EDARADD: variants seen among roughly 807,000 people sequenced by gnomAD.
The protein encoded by EDARADD is EDAR associated via death domain.
EDARADD carries 20 observed loss-of-function variants against 25.6 expected under a neutral mutation model. The ratio of observed to expected loss-of-function variants is 0.78; its 90% CI spans 0.55 to 1.14. The LOEUF is 1.14. Ranked by LOEUF, EDARADD falls within the 50% of genes most tolerant of loss-of-function variation. The probability of loss-of-function intolerance (pLI) is 0.00; values close to 1 mark genes in which losing one functional copy is unlikely to be tolerated. For missense variants in EDARADD, 225 were observed against 270.1 expected (o/e 0.83, Z 1.17); for synonymous variants, 86 against 94.4 (o/e 0.91, Z 0.52).
At chr1:236,407,866 A>G (rs1302914371) in intron 1 of EDARADD, among the ~76,000 whole-genome samples, 4 of 152,198 alleles carry the variant, frequency 2.6e-5, no homozygotes, top group Non-Finnish European at 5.9e-5. Context: ...AATTCCTTCA[A>G]TGCATCAAGT....
chr1:236,358,146 C>T (rs1667003534), intron 3 of EDARADD, among the ~76,000 whole-genome samples: 1 of 152,210 alleles, frequency 6.6e-6, no homozygotes, highest in Non-Finnish European at 1.5e-5. Flanking sequence ...GCTAGGATTA[C>T]AGGCACGAGC....
chr1:236,414,224 T>C, intron 2 of EDARADD, 36 bp from the exon 3 acceptor site: 1 of 1,572,308 alleles, frequency 6.4e-7, no homozygotes, highest in South Asian at 1.1e-5. Context: ...TACATGGCAT[T>C]TAAAAATAAT....
At chr1:236,423,727 T>C (rs976354799) in intron 3 of EDARADD, among the ~76,000 whole-genome samples, 1 of 152,182 alleles carries the variant, frequency 6.6e-6, no homozygotes, top group African/African-American at 2.4e-5. Flanking sequence ...TATTTTCTAG[T>C]CACTAATTGG....
At chr1:236,366,569 T>C (rs1667113660) in intron 3 of EDARADD, among the ~76,000 whole-genome samples, 1 of 148,704 alleles carries the variant, frequency 6.7e-6, no homozygotes, top group African/African-American at 2.6e-5. Flanking sequence ...TGCAGCCCTT[T>C]CCTGTCTGAT....
intron 4 of EDARADD, among the ~76,000 whole-genome samples, chr1:236,452,535 C>T (rs1386094176): frequency 6.6e-6 from 1 of 151,888 alleles, no homozygotes; most frequent in Non-Finnish European, 1.5e-5. Context: ...CCATGTAAGA[C>T]GTGCCCTGCT....
At chr1:236,377,375 C>G (rs758280309) in intron 3 of EDARADD, among the ~76,000 whole-genome samples, 30 of 150,012 alleles carry the variant, frequency 2.0e-4, no homozygotes, top group Non-Finnish European at 3.8e-4. Context: ...AGGCTGGTCT[C>G]AAACTCCTGA....
At chr1:236,408,268 T>G (rs772981069) in intron 1 of EDARADD, among the ~76,000 whole-genome samples, 3 of 152,128 alleles carry the variant, frequency 2.0e-5, no homozygotes, top group African/African-American at 4.8e-5. Flanking sequence ...AGTGGTGTGA[T>G]CTCAGCTCAC....
intron 4 of EDARADD, among the ~76,000 whole-genome samples, chr1:236,447,176 C>CTT (rs1303908454): frequency 0.012 from 882 of 75,908 alleles, 10 homozygotes; most frequent in African/African-American, 0.054. Context: ...CTCCCTCTTT[C>CTT]TTTCTTTCTT....
At chr1:236,406,408 C>T (rs1030410559) in intron 1 of EDARADD, among the ~76,000 whole-genome samples, 4 of 152,170 alleles carry the variant, frequency 2.6e-5, no homozygotes, top group Non-Finnish European at 4.4e-5. Context: ...TACATGGTTT[C>T]GTAGTTGGTG....
At chr1:236,440,035 G>A (rs563198092) in intron 4 of EDARADD, among the ~76,000 whole-genome samples, 4 of 152,162 alleles carry the variant, frequency 2.6e-5, no homozygotes, top group South Asian at 4.2e-4. Context: ...AGTTTAAAGA[G>A]TTTAAATTTT....
chr1:236,378,303 T>C (rs1667249879), intron 3 of EDARADD, among the ~76,000 whole-genome samples: 1 of 152,076 alleles, frequency 6.6e-6, no homozygotes, highest in Non-Finnish European at 1.5e-5. Context: ...TCTCCAGGAG[T>C]CACTGTGTGA....
intron 4 of EDARADD, among the ~76,000 whole-genome samples, chr1:236,445,237 T>TTTTTTTTTTTTGTTG (rs1381960263): frequency 3.6e-5 from 4 of 109,606 alleles, no homozygotes; most frequent in Admixed American, 9.5e-5. Flanking sequence ...ATAAATTCTT[T>TTTTTTTTTTTTGTTG]TTTTTTTTGA....
In EDARADD at chr1:236,484,899, A is replaced by G. The variant is rs1659789943; in HGVS notation, c.*2250A>G. On this transcript the variant is annotated 3_prime_UTR_variant, in exon 6 of 6. Transcript: ENST00000334232. The surrounding 1 kb of genome is among the most constrained non-coding windows in gnomAD (Gnocchi z 4.1). ...TCAAAATAAAAAGCCTCATTGACCC[A>G]TGAGAAAAAAGAAAACAGCAATGAG... is the stretch of plus-strand genomic sequence containing the variant. 6.3e-6 allele frequency: 1 copy of G among 158,674 alleles called. No homozygotes were observed. Among genetic ancestry groups the G allele is most frequent in the Admixed American group, 6.0e-5 (1 of 16,564 alleles). 9.8% of individuals were successfully genotyped at this position (158,674 alleles called of 1,614,324 possible).
At chr1:236,379,141 G>A (rs1378013414) in intron 3 of EDARADD, among the ~76,000 whole-genome samples, 13 of 152,224 alleles carry the variant, frequency 8.5e-5, no homozygotes, top group East Asian at 7.7e-4. Flanking sequence ...AGGCCAAGGC[G>A]GGAGGATCAC....
chr1:236,395,810 A>G lies in EDARADD; in HGVS notation c.61+1305A>G. The G allele has an allele frequency of 1.5e-6, 1 of 680,644 alleles. No homozygotes were observed. The highest frequency in any genetic ancestry group is 2.2e-6 in the Non-Finnish European group (1 of 454,642). 42.2% of individuals were successfully genotyped at this position (680,644 alleles called of 1,614,324 possible). On this transcript the variant is annotated intron_variant, in intron 1 of 5. Coordinates refer to ENST00000334232, the MANE Select transcript of EDARADD (RefSeq NM_145861.4). This position sits in a 1 kb window ranked among gnomAD's most constrained non-coding sequence, Gnocchi z 6.9. ...GAACCACCCCCGACCCAGGCGCCAGACCCGGAGTCGCACGGGGCTCCCAGT... is the reference window on the plus strand; with the variant it reads ...GAACCACCCCCGACCCAGGCGCCAGGCCCGGAGTCGCACGGGGCTCCCAGT...
At chr1:236,397,452 T>C (rs1667537004) in intron 1 of EDARADD, among the ~76,000 whole-genome samples, 1 of 151,950 alleles carries the variant, frequency 6.6e-6, no homozygotes, top group African/African-American at 2.4e-5. Context: ...TTTCCCAAGA[T>C]GGTGTTCTTA....
intron 2 of EDARADD, 115 bp downstream of exon 2, chr1:236,409,389 A>C (rs1013480232): frequency 1.0e-5 from 8 of 790,152 alleles, no homozygotes; most frequent in Non-Finnish European, 1.7e-5. Flanking sequence ...CCCCAAAGTA[A>C]GATTTTTCTA....
intron 3 of EDARADD, among the ~76,000 whole-genome samples, chr1:236,421,706 C>T (rs1380756534): frequency 2.0e-5 from 3 of 151,856 alleles, no homozygotes; most frequent in African/African-American, 7.3e-5. Flanking sequence ...CCATGTTAAC[C>T]TAACCTCTAA....
At chr1:236,429,083 T>G (rs1247486099) in intron 4 of EDARADD, among the ~76,000 whole-genome samples, 1 of 151,846 alleles carries the variant, frequency 6.6e-6, no homozygotes, top group Non-Finnish European at 1.5e-5. Context: ...CGAGATGGCA[T>G]CGGTACAGTC....
Sources: gnomAD v4.1 joint callset for allele counts (sites outside exome capture counted in the v4.1 genomes callset) on GRCh38, gnomAD v4.1.1 for gene constraint, Gnocchi (gnomAD v3.1) non-coding constraint, MANE v1.5 for transcripts, NCBI Gene and HGNC (gene_info 2026-07-23, HGNC 2026-07-21) for gene names.